RANBP2: variants seen among roughly 807,000 people sequenced by gnomAD.
The protein encoded by RANBP2 is E3 SUMO-protein ligase RanBP2.
Under a neutral mutation model 303.6 loss-of-function variants are expected in RANBP2, and 57 were observed. The ratio of observed to expected loss-of-function variants is 0.19; its 90% CI spans 0.15 to 0.23. The LOEUF (loss-of-function observed/expected upper bound fraction) is 0.23. RANBP2 is among the 10% of genes least tolerant of loss of function. The pLI is 1.00. For synonymous variants in RANBP2, 1,167 were observed against 1,301.5 expected, an observed-to-expected ratio of 0.90 and a Z score of 2.23; for missense variants, 3,138 against 3,780.8, an observed-to-expected ratio of 0.83 and a Z score of 4.46.
chr2:109,068,450 C>T, the RANBP2 span, among the ~76,000 whole-genome samples: 1 of 152,216 alleles, frequency 6.6e-6, no homozygotes, highest in African/African-American at 2.4e-5. Context: ...CTGTTTTGAT[C>T]ACTGCAACAT....
chr2:108,754,851 A>G (rs1309994675), intron 15 of RANBP2, 54 bp from the exon 16 acceptor site: 1 of 1,608,222 alleles, frequency 6.2e-7, no homozygotes, highest in Non-Finnish European at 8.5e-7. Context: ...TAGAGTTTTT[A>G]CTTTTGGAAT....
At chr2:109,348,009 T>C in the RANBP2 span, 1 of 1,533,328 alleles carries the variant, frequency 6.5e-7, no homozygotes, top group Non-Finnish European at 8.8e-7. Context: ...CACCCAGGGC[T>C]CTTCCCAGCC....
At position 108,783,333 on chromosome 2, in the gene RANBP2, TAAAAAAAA is replaced by T. The variant is rs71381992; in HGVS notation, c.9370-241_9370-234del. On this transcript the variant is annotated intron_variant, in intron 28 of 28. Coordinates refer to ENST00000283195, the MANE Select transcript of RANBP2 (RefSeq NM_006267.5). The stretch of plus-strand genomic sequence containing the variant: ...GCGACAGAGTGAGACAGCCTGTCAT[TAAAAAAAA>T]AAAAAAAAAAAAAAAAAAAAATCAA... 2.6e-3 allele frequency among the ~76,000 whole-genome samples: 107 copies of T among 41,428 alleles called. 1 individual carries two copies. Among genetic ancestry groups the T allele is most frequent in the African/African-American group, 0.011 (102 of 9,294 alleles). 27.2% of individuals were successfully genotyped at this position (41,428 alleles called of 152,430 possible).
At chr2:109,103,712 C>T in the RANBP2 span, among the ~76,000 whole-genome samples, 1 of 152,132 alleles carries the variant, frequency 6.6e-6, no homozygotes, top group Non-Finnish European at 1.5e-5. Flanking sequence ...AGGTGCTAGA[C>T]TCTCAGCTAA....
the RANBP2 span, among the ~76,000 whole-genome samples, chr2:109,767,570 C>A: frequency 6.8e-6 from 1 of 147,660 alleles, no homozygotes; most frequent in South Asian, 2.3e-4. Flanking sequence ...GAGGACACCA[C>A]CCAATCCAAG....
At chr2:108,930,226 G>A in the RANBP2 span, 183 of 1,614,088 alleles carry the variant, frequency 1.1e-4, no homozygotes, top group Admixed American at 8.8e-4. Context: ...CGCTCGGGCT[G>A]AGCACATCAG....
the RANBP2 span, among the ~76,000 whole-genome samples, chr2:109,717,475 A>C: frequency 2.6e-5 from 4 of 152,068 alleles, no homozygotes; most frequent in Non-Finnish European, 4.4e-5. Flanking sequence ...CCAGCTACTC[A>C]GGAGGCTGAG....
the RANBP2 span, among the ~76,000 whole-genome samples, chr2:109,067,805 C>A: frequency 6.6e-6 from 1 of 152,184 alleles, no homozygotes; most frequent in East Asian, 1.9e-4. Flanking sequence ...AGTCCACTAG[C>A]TAATGCTGTG....
the RANBP2 span, among the ~76,000 whole-genome samples, chr2:109,709,175 G>A: frequency 8.0e-5 from 12 of 150,886 alleles, no homozygotes; most frequent in Admixed American, 2.6e-4. Context: ...GCATGGGGGT[G>A]CATGCCTGTA....
chr2:108,794,768 A>G, the RANBP2 span: 1 of 1,412,580 alleles, frequency 7.1e-7, no homozygotes, highest in South Asian at 1.3e-5. Context: ...TTTATGTTCT[A>G]AGAACCAAGC....
At chr2:109,104,632 C>T in the RANBP2 span, among the ~76,000 whole-genome samples, 1 of 151,902 alleles carries the variant, frequency 6.6e-6, no homozygotes, top group Non-Finnish European at 1.5e-5. Flanking sequence ...TGCAGGCGCC[C>T]GCCACCATGC....
chr2:108,820,468 T>TAGGCATAC, the RANBP2 span, among the ~76,000 whole-genome samples: 91 of 151,996 alleles, frequency 6.0e-4, no homozygotes, highest in African/African-American at 2.1e-3. Flanking sequence ...AGGAAAGAAA[T>TAGGCATAC]AGGCATACAA....
chr2:109,542,243 C>T, the RANBP2 span, among the ~76,000 whole-genome samples: 1 of 152,082 alleles, frequency 6.6e-6, no homozygotes, highest in African/African-American at 2.4e-5. Context: ...TTGTTCAACT[C>T]TTTTAAAATA....
the RANBP2 span, among the ~76,000 whole-genome samples, chr2:109,024,186 A>G: frequency 6.6e-6 from 1 of 152,122 alleles, no homozygotes; most frequent in African/African-American, 2.4e-5. Context: ...CAGCCTCCCA[A>G]CGTGCTGGGA....
the RANBP2 span, among the ~76,000 whole-genome samples, chr2:108,799,504 C>A: frequency 6.6e-6 from 1 of 152,176 alleles, no homozygotes; most frequent in Non-Finnish European, 1.5e-5. Flanking sequence ...ATTTTCTGTC[C>A]CAGTACATCT....
chr2:108,781,982 G>C (rs557083775), intron 26 of RANBP2, 146 bp from the exon 27 acceptor site: 5 of 840,136 alleles, frequency 6.0e-6, no homozygotes, highest in East Asian at 5.3e-5. Context: ...TATATTCCTA[G>C]CCCTAAGATA....
the RANBP2 span, among the ~76,000 whole-genome samples, chr2:108,871,897 C>T: frequency 6.6e-6 from 1 of 152,090 alleles, no homozygotes; most frequent in Admixed American, 6.5e-5. Context: ...TTTATTTTCT[C>T]TAGTTTTACA....
At chr2:109,259,564 AT>A in the RANBP2 span, among the ~76,000 whole-genome samples, 2 of 151,988 alleles carry the variant, frequency 1.3e-5, no homozygotes, top group Non-Finnish European at 2.9e-5. Context: ...TTGTTTTGTT[AT>A]TTTCTTCCAC....
chr2:109,260,163 G>A, the RANBP2 span, among the ~76,000 whole-genome samples: 5 of 152,266 alleles, frequency 3.3e-5, no homozygotes, highest in Admixed American at 6.5e-5. Context: ...GCATTCCCGA[G>A]ACTTTCCTGG....
Sources: gnomAD v4.1 joint callset for allele counts (sites outside exome capture counted in the v4.1 genomes callset) on GRCh38, gnomAD v4.1.1 for gene constraint, MANE v1.5 for transcripts, NCBI Gene and HGNC (gene_info 2026-07-23, HGNC 2026-07-21) for gene names.